The following STK24 variants were observed in gnomAD, a reference collection of about 807,000 sequenced individuals.
STK24 encodes serine/threonine kinase 24.
Under a neutral mutation model 55.6 loss-of-function variants are expected in STK24, and 21 were observed. The observed-to-expected ratio is 0.38, with a 90% CI of 0.27 to 0.54. The LOEUF (loss-of-function observed/expected upper bound fraction) is 0.54, where lower values mean the gene tolerates loss of function less well. STK24 is among the 20% of genes least tolerant of loss of function. The pLI is 0.79. For missense variants in STK24, 383 were observed against 538.4 expected (o/e 0.71, Z 2.86); for synonymous variants, 200 against 215.2 (o/e 0.93, Z 0.62).
chr13:98,494,432 C>G, intron 2 of STK24, among the ~76,000 whole-genome samples: 1 of 67,166 alleles, frequency 1.5e-5, no homozygotes, highest in African/African-American at 4.6e-5. Context: ...AAAAAAAGTG[C>G]CTCTAACAGT....
chr13:98,527,027 T>A (rs1283216527), intron 1 of STK24, among the ~76,000 whole-genome samples: 1 of 152,238 alleles, frequency 6.6e-6, no homozygotes, highest in Non-Finnish European at 1.5e-5. Flanking sequence ...GTGACATATA[T>A]CGATACACAC....
chr13:98,486,892 G>T (rs1253112179), intron 2 of STK24, among the ~76,000 whole-genome samples: 1 of 152,176 alleles, frequency 6.6e-6, no homozygotes, highest in African/African-American at 2.4e-5. Flanking sequence ...TCCACAACAA[G>T]ATGGGAATCA....
intron 1 of STK24, among the ~76,000 whole-genome samples, chr13:98,547,535 G>A (rs1187126564): frequency 6.6e-6 from 1 of 152,200 alleles, no homozygotes. Flanking sequence ...GCGACAGAAT[G>A]AGACCCTATT....
At position 98,571,983 on chromosome 13, in the gene STK24, A is replaced by C. The variant is rs112336958; in HGVS notation, c.42+4762T>G. On this transcript the variant is annotated intron_variant, in intron 1 of 10. Transcript: ENST00000539966. ...GATCATCTGCTCAAAAATGTGCCAT[A>C]CTTCCGGCTGTCTACAGATGCAAGG... Among the ~76,000 whole-genome samples, 586 of 152,250 alleles carry C rather than the reference A, an allele frequency of 3.8e-3. 3 individuals carry two copies. Among genetic ancestry groups the C allele is most frequent in the Non-Finnish European group, 4.8e-3 (328 of 68,018 alleles).
At chr13:98,494,278 C>T (rs1308804430) in intron 2 of STK24, among the ~76,000 whole-genome samples, 5 of 148,622 alleles carry the variant, frequency 3.4e-5, no homozygotes, top group East Asian at 2.0e-4. Context: ...GGCGTAGTGG[C>T]GGGCACCTGT....
intron 1 of STK24, among the ~76,000 whole-genome samples, chr13:98,563,641 G>C (rs1279696936): frequency 6.6e-6 from 1 of 152,068 alleles, no homozygotes; most frequent in Admixed American, 6.5e-5. Context: ...GGCGGATCAC[G>C]AGGTCAGGAG....
intron 1 of STK24, among the ~76,000 whole-genome samples, chr13:98,566,519 T>C (rs1897575629): frequency 6.6e-6 from 1 of 152,228 alleles, no homozygotes; most frequent in African/African-American, 2.4e-5. Context: ...TTCTCATCTG[T>C]AAAATTAGTC....
chr13:98,457,059 A>G, intron 10 of STK24, 109 bp downstream of exon 10: 2 of 1,346,470 alleles, frequency 1.5e-6, no homozygotes, highest in Non-Finnish European at 2.0e-6. Context: ...GAGGCCTGCA[A>G]GATAACAGGA....
chr13:98,564,472 A>G (rs1201754415), intron 1 of STK24, among the ~76,000 whole-genome samples: 2 of 152,332 alleles, frequency 1.3e-5, no homozygotes, highest in East Asian at 3.9e-4. Flanking sequence ...GCCCAGGAAC[A>G]GGCACTGAGC....
intron 9 of STK24, among the ~76,000 whole-genome samples, chr13:98,459,904 G>C (rs1389981473): frequency 6.6e-6 from 1 of 152,224 alleles, no homozygotes; most frequent in Admixed American, 6.5e-5. Flanking sequence ...GCTGAGCAGG[G>C]AGTGGGCGTG....
At chr13:98,482,160 C>A in intron 3 of STK24, 105 bp downstream of exon 3, 2 of 570,852 alleles carry the variant, frequency 3.5e-6, no homozygotes, top group Non-Finnish European at 2.9e-6. Context: ...TTTAATGCAA[C>A]TTGAAAGAAA....
At position 98,449,623 on chromosome 13, in the gene STK24, C is replaced by T. The variant is rs1028113013; in HGVS notation, c.*3550G>A. On this transcript the variant is annotated 3_prime_UTR_variant, in exon 11 of 11. Coordinates refer to ENST00000539966, the MANE Select transcript of STK24 (RefSeq NM_001032296.4). ...GAGCTCTGACTGGTGTAGCTGGAAA[C>T]AAACAGCAACTTGCAAACGGACGAA... The T allele has an allele frequency of 6.6e-6, 1 of 152,670 alleles. No individual in the cohort carries two copies. The highest frequency in any genetic ancestry group is 2.4e-5 in the African/African-American group (1 of 41,440). The allele number at this position is 152,670 out of a possible 1,614,324, so 9.5% of individuals were successfully genotyped here.
rs150425305 is a variant in STK24, at chr13:98,498,777, T to C, written c.274-16456A>G. On this transcript the variant is annotated intron_variant, in intron 2 of 10. Transcript: ENST00000539966. ...GGCATTACCTGCCCATGTCCTCCTGTCTGCAGACCCATGGCAGACACAGCA... is the reference window on the plus strand; with the variant it reads ...GGCATTACCTGCCCATGTCCTCCTGCCTGCAGACCCATGGCAGACACAGCA... Among the ~76,000 whole-genome samples the C allele has an allele frequency of 1.5e-3, 223 of 152,178 alleles. 1 individual carries two copies. The highest frequency in any genetic ancestry group is 5.2e-3 in the African/African-American group (214 of 41,520).
chr13:98,462,516 A>G lies in STK24; in HGVS notation c.930-619T>C, dbSNP rs1478280328. Among the ~76,000 whole-genome samples, 3 of 151,772 alleles carry G rather than the reference A, an allele frequency of 2.0e-5. No individual in the cohort carries two copies. In the South Asian group the frequency reaches 6.3e-4, roughly 32 times the overall value. ...ATCCCCTGATGCCTGTGGCCCCATTAAGCCTGCACCTCCTCCCGCCCCTCG... is the reference window on the plus strand; with the variant it reads ...ATCCCCTGATGCCTGTGGCCCCATTGAGCCTGCACCTCCTCCCGCCCCTCG... On this transcript the variant is annotated intron_variant, in intron 7 of 10. Coordinates refer to ENST00000539966, the MANE Select transcript of STK24 (RefSeq NM_001032296.4).
Position 98,446,533 on chromosome 13 carries a change from G to C in STK24, c.*6640C>G. 1 of 877,562 alleles carries C rather than the reference G, an allele frequency of 1.1e-6. No individual in the cohort carries two copies. Among genetic ancestry groups the C allele is most frequent in the Non-Finnish European group, 1.8e-6 (1 of 556,950 alleles). 54.4% of individuals were successfully genotyped at this position (877,562 alleles called of 1,614,324 possible). The stretch of plus-strand genomic sequence containing the variant: ...CGTACAGGCAAACACTGGCTGCCAT[G>C]GTCCCTTCCAGGCCCACGCCCGAGG... On this transcript the variant is annotated 3_prime_UTR_variant, in exon 11 of 11. Transcript: ENST00000539966.
chr13:98,469,534 T>TTC (rs768326491), intron 5 of STK24, among the ~76,000 whole-genome samples: 1 of 126,334 alleles, frequency 7.9e-6, no homozygotes, highest in Non-Finnish European at 1.8e-5. Context: ...AGACCCTGCA[T>TTC]CCCCCCCCCC....
intron 1 of STK24, among the ~76,000 whole-genome samples, chr13:98,561,834 A>G (rs113545746): frequency 0.014 from 2,163 of 151,518 alleles, 58 homozygotes; most frequent in African/African-American, 0.048. Flanking sequence ...AAAATTAGCT[A>G]GGTGTGGTGG....
In STK24 at chr13:98,566,565, C is replaced by G. The variant is rs144798223; in HGVS notation, c.42+10180G>C. On this transcript the variant is annotated intron_variant, in intron 1 of 10. Coordinates refer to ENST00000539966, the MANE Select transcript of STK24 (RefSeq NM_001032296.4). The stretch of plus-strand genomic sequence containing the variant: ...TCCCTCAGCAGAGACCCTGAGGGTT[C>G]ACCAAGAGGCCTGGCCCTCACTGAA... 2.1e-4 allele frequency among the ~76,000 whole-genome samples: 32 copies of G among 152,370 alleles called. No individual in the cohort carries two copies. The East Asian group carries it at 6.2e-3, about 29-fold the overall frequency.
chr13:98,534,136 T>C (rs1896650854), intron 1 of STK24, among the ~76,000 whole-genome samples: 1 of 151,998 alleles, frequency 6.6e-6, no homozygotes, highest in Non-Finnish European at 1.5e-5. Context: ...GTCACAAAGC[T>C]CCAGCACCCC....
Sources: allele counts gnomAD v4.1 joint callset (sites outside exome capture counted in the v4.1 genomes callset), GRCh38; gene constraint gnomAD v4.1.1; transcripts MANE v1.5; gene names NCBI Gene and HGNC (gene_info 2026-07-23, HGNC 2026-07-21).